The following GUCY1A2 variants were observed in gnomAD, a reference collection of about 807,000 sequenced individuals.
GUCY1A2 encodes the protein guanylate cyclase soluble subunit alpha-2.
Under a neutral mutation model 63.5 loss-of-function variants are expected in GUCY1A2, and 27 were observed. That is an observed-to-expected ratio of 0.43 (90% CI 0.31 to 0.59). The LOEUF is 0.59. Among genes scored for constraint, GUCY1A2 ranks in the 20% least tolerant of loss-of-function variants. The probability of loss-of-function intolerance (pLI) is 0.11; values close to 1 mark genes in which losing one functional copy is unlikely to be tolerated. For synonymous variants in GUCY1A2, 364 were observed against 343.5 expected (o/e 1.06, Z -0.66); for missense variants, 768 against 913.3 (o/e 0.84, Z 2.05).
At chr11:107,002,623 A>G (rs190094941) in intron 1 of GUCY1A2, among the ~76,000 whole-genome samples, 2,056 of 152,294 alleles carry the variant, frequency 0.014, 29 homozygotes, top group South Asian at 0.045. Context: ...AAAGTTATGT[A>G]AGCAGTGGAT....
intron 6 of GUCY1A2, among the ~76,000 whole-genome samples, chr11:106,755,336 T>A (rs961934974): frequency 6.6e-6 from 1 of 152,170 alleles, no homozygotes; most frequent in Non-Finnish European, 1.5e-5. Flanking sequence ...TTTTTTTGTG[T>A]CTCTACCTCC....
chr11:106,828,494 T>A (rs1384853600), intron 4 of GUCY1A2, among the ~76,000 whole-genome samples: 11 of 152,208 alleles, frequency 7.2e-5, no homozygotes. Flanking sequence ...CTTTGTCAAA[T>A]ATCAGTTGAT....
chr11:106,779,152 T>G (rs551976932), intron 5 of GUCY1A2, among the ~76,000 whole-genome samples: 3 of 152,314 alleles, frequency 2.0e-5, no homozygotes, highest in South Asian at 2.1e-4. Flanking sequence ...GCATTAAAAC[T>G]GATTCAAATA....
chr11:106,923,972 T>G (rs1275313879), intron 4 of GUCY1A2, among the ~76,000 whole-genome samples: 1 of 152,116 alleles, frequency 6.6e-6, no homozygotes, highest in Non-Finnish European at 1.5e-5. Context: ...TAAACCAAAA[T>G]TATAAGAATA....
intron 4 of GUCY1A2, chr11:106,826,859 T>C (rs1858978080): frequency 1.9e-6 from 3 of 1,605,758 alleles, no homozygotes; most frequent in Admixed American, 3.3e-5. Flanking sequence ...GATGTGTGCA[T>C]ATGATCATCC....
intron 6 of GUCY1A2, among the ~76,000 whole-genome samples, chr11:106,772,340 C>T (rs2135399536): frequency 6.6e-6 from 1 of 152,200 alleles, no homozygotes; most frequent in East Asian, 1.9e-4. Flanking sequence ...TTGAGGTAAA[C>T]AGTAAGCTAT....
At chr11:106,936,717 ATT>A (rs11331245) in intron 4 of GUCY1A2, 18,620 of 1,209,904 alleles carry the variant, frequency 0.015, no homozygotes, top group Non-Finnish European at 0.017. Context: ...CTTGCTCTTG[ATT>A]TTTTTTTTTT....
chr11:106,791,885 G>A (rs1398799671), intron 5 of GUCY1A2, among the ~76,000 whole-genome samples: 2 of 151,902 alleles, frequency 1.3e-5, no homozygotes, highest in Non-Finnish European at 2.9e-5. Flanking sequence ...AGAAGAGCTG[G>A]TACCATTCCT....
chr11:106,946,887 A>C (rs1860836693), intron 3 of GUCY1A2, among the ~76,000 whole-genome samples: 1 of 152,146 alleles, frequency 6.6e-6, no homozygotes, highest in Non-Finnish European at 1.5e-5. Context: ...TCAATAAAGC[A>C]TTATATAGTT....
chr11:106,868,223 A>G (rs1038756536), intron 4 of GUCY1A2, among the ~76,000 whole-genome samples: 2 of 152,096 alleles, frequency 1.3e-5, no homozygotes, highest in Non-Finnish European at 1.5e-5. Context: ...ATAAGTAGTC[A>G]TAACATTGAA....
intron 7 of GUCY1A2, among the ~76,000 whole-genome samples, chr11:106,693,409 G>A (rs10736430): frequency 0.95 from 145,247 of 152,122 alleles, 69,389 homozygotes; most frequent in East Asian, 1. Context: ...CATCATCATC[G>A]TCGTCTTTCT....
At chr11:106,829,372 G>A (rs1859021202) in intron 4 of GUCY1A2, among the ~76,000 whole-genome samples, 2 of 152,140 alleles carry the variant, frequency 1.3e-5, no homozygotes, top group South Asian at 4.1e-4. Flanking sequence ...TGAAAAGAGT[G>A]AGACTTTTGA....
chr11:106,788,661 T>C (rs1864606870), intron 5 of GUCY1A2, among the ~76,000 whole-genome samples: 1 of 152,218 alleles, frequency 6.6e-6, no homozygotes. Flanking sequence ...GAAGAGACTG[T>C]CCTTTCCCAA....
At chr11:106,994,287 TTG>T (rs1861507751) in intron 1 of GUCY1A2, among the ~76,000 whole-genome samples, 1 of 152,244 alleles carries the variant, frequency 6.6e-6, no homozygotes, top group African/African-American at 2.4e-5. Flanking sequence ...AAATGCATGT[TTG>T]CTTTCCCAGT....
At chr11:106,912,713 T>A (rs1294765921) in intron 4 of GUCY1A2, among the ~76,000 whole-genome samples, 1 of 152,142 alleles carries the variant, frequency 6.6e-6, no homozygotes, top group Non-Finnish European at 1.5e-5. Context: ...ACTTGGATGC[T>A]ATAATAATGA....
rs188684649 is a variant in GUCY1A2 at position 106,835,833 on chromosome 11, A to G, written c.1207-25355T>C. Among the ~76,000 whole-genome samples, 84 of 152,068 alleles carry G rather than the reference A, an allele frequency of 5.5e-4. 2 individuals carry two copies. The highest frequency in any genetic ancestry group is 5.5e-3 in the Admixed American group (84 of 15,238). Reference sequence around the variant, plus strand: ...TCAACACAAACCAAGAGACTTCTCCATGAATAACACAAAAGAAAATTCTAA... The same window carrying G: ...TCAACACAAACCAAGAGACTTCTCCGTGAATAACACAAAAGAAAATTCTAA... On this transcript the variant is annotated intron_variant, in intron 4 of 7. Transcript: ENST00000526355.
At position 106,678,605 on chromosome 11, in the gene GUCY1A2, T is replaced by A. The variant is rs1242667147; in HGVS notation, c.*8944A>T. The A allele has an allele frequency of 9.5e-6, 2 of 211,078 alleles. No individual in the cohort carries two copies. The highest frequency in any genetic ancestry group is 1.9e-5 in the Non-Finnish European group (2 of 104,088). 13.1% of individuals were successfully genotyped at this position (211,078 alleles called of 1,614,324 possible). A position where few individuals can be genotyped will look rare whatever the true frequency, so the allele number is the denominator to read the frequency against. On this transcript the variant is annotated 3_prime_UTR_variant, in exon 8 of 8. Coordinates refer to ENST00000526355, the MANE Select transcript of GUCY1A2 (RefSeq NM_000855.3). ...TTTCATTGGGTATGGAAATGCATAG[T>A]TTCTTACTAGTCAGAGAGTCAGAGG...
intron 4 of GUCY1A2, among the ~76,000 whole-genome samples, chr11:106,825,138 G>A (rs547947327): frequency 8.0e-4 from 122 of 152,170 alleles, no homozygotes; most frequent in Admixed American, 1.2e-3. Flanking sequence ...TAGAGATCAC[G>A]ATTATATAAT....
intron 4 of GUCY1A2, among the ~76,000 whole-genome samples, chr11:106,868,955 C>G (rs1254884197): frequency 6.6e-6 from 1 of 152,134 alleles, no homozygotes; most frequent in Non-Finnish European, 1.5e-5. Flanking sequence ...TAATACCACA[C>G]ATCTACAACT....
Sources: gnomAD v4.1 joint callset for allele counts (sites outside exome capture counted in the v4.1 genomes callset) on GRCh38, gnomAD v4.1.1 for gene constraint, MANE v1.5 for transcripts, NCBI Gene and HGNC (gene_info 2026-07-23, HGNC 2026-07-21) for gene names.